Variants in RPS6KA2 observed in about 807,000 individuals in gnomAD.
The protein encoded by RPS6KA2 is ribosomal protein S6 kinase A2.
RPS6KA2 carries 42 observed loss-of-function variants against 91.8 expected under a neutral mutation model. That is an observed-to-expected ratio of 0.46 (90% confidence interval 0.36 to 0.59). RPS6KA2 has a LOEUF of 0.59. Ranked by LOEUF, RPS6KA2 falls within the 20% of genes least tolerant of loss-of-function variation. The pLI is 0.00. For synonymous variants in RPS6KA2, 414 were observed against 393.6 expected, an observed-to-expected ratio of 1.05 and a Z score of -0.61; for missense variants, 798 against 978.5, an observed-to-expected ratio of 0.82 and a Z score of 2.46.
chr6:166,502,623 C>T (rs989886471), intron 6 of RPS6KA2, among the ~76,000 whole-genome samples: 4 of 152,220 alleles, frequency 2.6e-5, no homozygotes, highest in African/African-American at 4.8e-5. Context: ...ACTCACAACA[C>T]GGCACTCCGA....
At chr6:166,817,467 T>G (rs1052331434) in intron 2 of RPS6KA2, among the ~76,000 whole-genome samples, 1 of 152,130 alleles carries the variant, frequency 6.6e-6, no homozygotes, top group African/African-American at 2.4e-5. Context: ...GATATCTCCA[T>G]GTAAATTTTA....
intron 3 of RPS6KA2, among the ~76,000 whole-genome samples, chr6:166,518,602 TA>T (rs1186126209): frequency 2.0e-5 from 3 of 152,198 alleles, no homozygotes; most frequent in Non-Finnish European, 4.4e-5. Flanking sequence ...GACGTTTTTA[TA>T]AGAATGTTCT....
At chr6:166,789,883 C>A (rs567928754) in intron 2 of RPS6KA2, among the ~76,000 whole-genome samples, 1 of 152,080 alleles carries the variant, frequency 6.6e-6, no homozygotes, top group African/African-American at 2.4e-5. Context: ...CATCAAAGAC[C>A]AAAAGTAGAT....
chr6:166,741,021 T>C (rs569232223), intron 2 of RPS6KA2, among the ~76,000 whole-genome samples: 43 of 152,318 alleles, frequency 2.8e-4, no homozygotes, highest in African/African-American at 1.0e-3. Context: ...GCCAGACACA[T>C]GCAGCAACGT....
chr6:166,588,528 C>T (rs372255189), intron 1 of RPS6KA2, among the ~76,000 whole-genome samples: 3 of 152,176 alleles, frequency 2.0e-5, no homozygotes, highest in Admixed American at 6.5e-5. Context: ...ACTTGCAGCA[C>T]GTCGCTGAGA....
rs772855774 is a variant in RPS6KA2 at position 166,538,762 on chromosome 6, A to G, written c.122T>C (p.Ile41Thr). Residue 41 changes from isoleucine (I) to threonine (T), a missense_variant, in exon 2 of 21, where the codon ATA (isoleucine) becomes ACA (threonine). Ile to Thr is a moderately conservative substitution (Grantham distance 89). Coordinates refer to ENST00000265678, the MANE Select transcript of RPS6KA2 (RefSeq NM_021135.6). ...CTCCTTCACATGATGGCTGATGTCT[A>G]TCTCCTTCACGACGCCTTCTTCCTG... Reference protein sequence around the residue: ...RLEEEGVVKEIDISHHVKEGF... With the variant: ...RLEEEGVVKETDISHHVKEGF... 5.6e-6 allele frequency: 9 copies of G among 1,604,462 alleles called. No individual in the cohort carries two copies. Among genetic ancestry groups the G allele is most frequent in the African/African-American group, 1.3e-5 (1 of 74,684 alleles).
At chr6:166,772,839 G>C (rs144705475) in intron 2 of RPS6KA2, among the ~76,000 whole-genome samples, 2 of 152,270 alleles carry the variant, frequency 1.3e-5, no homozygotes, top group Middle Eastern at 3.4e-3. Flanking sequence ...ATCACTGACT[G>C]TCTTTCCCTT....
At chr6:166,862,110 C>T in exon 1 of RPS6KA2, 1 of 1,614,248 alleles carries the variant, frequency 6.2e-7, no homozygotes, top group Non-Finnish European at 8.5e-7. Flanking sequence ...GCACTCACCT[C>T]TATTTCCATA....
chr6:166,444,241 T>A (rs1033127948), intron 14 of RPS6KA2, among the ~76,000 whole-genome samples: 1 of 152,218 alleles, frequency 6.6e-6, no homozygotes, highest in Non-Finnish European at 1.5e-5. Flanking sequence ...TCCTCCTGGA[T>A]CACGATTACC....
rs967964702 is a variant in RPS6KA2, at chr6:166,701,265, G to T, written c.123+156935C>A. On this transcript the variant is annotated intron_variant, in intron 2 of 21. Coordinates refer to the RPS6KA2 transcript ENST00000503859. The stretch of plus-strand genomic sequence containing the variant: ...TCTCATCAGGTGTCTGGTCACAAGG[G>T]ACAACAACTTCTGCACTTGACAAAT... The T allele has an allele frequency of 4.3e-6, 7 of 1,612,070 alleles. No homozygotes were observed. The African/African-American group carries it at 9.4e-5, about 22-fold the overall frequency.
At chr6:166,655,095 A>T (rs780121123) in intron 2 of RPS6KA2, among the ~76,000 whole-genome samples, 10 of 152,296 alleles carry the variant, frequency 6.6e-5, no homozygotes, top group Middle Eastern at 6.8e-3. Context: ...CAACTATTTC[A>T]CCCAACTCTT....
intron 2 of RPS6KA2, among the ~76,000 whole-genome samples, chr6:166,740,481 C>T (rs1747305054): frequency 6.6e-6 from 1 of 152,092 alleles, no homozygotes; most frequent in Non-Finnish European, 1.5e-5. Flanking sequence ...ATTCCATATA[C>T]AAAATCAAAC....
At chr6:166,813,238 A>G (rs1779684489) in intron 2 of RPS6KA2, among the ~76,000 whole-genome samples, 1 of 152,132 alleles carries the variant, frequency 6.6e-6, no homozygotes, top group Non-Finnish European at 1.5e-5. Flanking sequence ...TGTGGAGCAG[A>G]AGGTCCCACA....
At chr6:166,593,220 A>C (rs1218491215) in intron 1 of RPS6KA2, among the ~76,000 whole-genome samples, 1 of 152,252 alleles carries the variant, frequency 6.6e-6, no homozygotes, top group Non-Finnish European at 1.5e-5. Context: ...TGGAAGAAAA[A>C]TTCTTTATAG....
intron 2 of RPS6KA2, among the ~76,000 whole-genome samples, chr6:166,714,177 G>A (rs1789947748): frequency 6.6e-6 from 1 of 152,260 alleles, no homozygotes; most frequent in Non-Finnish European, 1.5e-5. Context: ...ACGCTGTGGG[G>A]ATGGGAAGAG....
intron 2 of RPS6KA2, among the ~76,000 whole-genome samples, chr6:166,695,711 C>A (rs9457194): frequency 1.3e-3 from 162 of 126,936 alleles, no homozygotes; most frequent in Non-Finnish European, 1.5e-3. Flanking sequence ...CTGGATTCTC[C>A]TAGGAGCACT....
At chr6:166,515,976 C>A (rs552489451) in intron 3 of RPS6KA2, among the ~76,000 whole-genome samples, 1 of 152,202 alleles carries the variant, frequency 6.6e-6, no homozygotes, top group Non-Finnish European at 1.5e-5. Flanking sequence ...ACCTTTGCTT[C>A]GAGTTGTCCA....
In RPS6KA2 at chr6:166,687,000, G is replaced by A. The variant is rs372886257; in HGVS notation, c.124-148216C>T. ...CAGGGCAGAGGGCAGCTCTGTCTGC[G>A]CCCATTCTCCATGCTATTGAGATAG... On this transcript the variant is annotated intron_variant, in intron 2 of 21. Coordinates refer to the RPS6KA2 transcript ENST00000503859. 6.6e-5 allele frequency among the ~76,000 whole-genome samples: 10 copies of A among 152,308 alleles called. No individual in the cohort carries two copies. The East Asian group carries it at 1.2e-3, about 18-fold the overall frequency.
Position 166,837,600 on chromosome 6 carries a change from C to T in RPS6KA2, c.123+20600G>A, listed in dbSNP as rs1298298208. ...CACTGGAGTGAGGATGGCCCCGTGG[C>T]TGGGGCTCTGGGGTCCTAGGCTGGT... On this transcript the variant is annotated intron_variant, in intron 2 of 21. Transcript: ENST00000503859. 2.0e-5 allele frequency among the ~76,000 whole-genome samples: 3 copies of T among 152,356 alleles called. No homozygotes were observed. The East Asian group carries it at 5.8e-4, about 29-fold the overall frequency.
Sources: gnomAD v4.1 joint callset for allele counts (sites outside exome capture counted in the v4.1 genomes callset) on GRCh38, gnomAD v4.1.1 for gene constraint, MANE v1.5 for transcripts, NCBI Gene and HGNC (gene_info 2026-07-23, HGNC 2026-07-21) for gene names.